AMOTL2: variants seen among roughly 807,000 people sequenced by gnomAD.
The protein encoded by AMOTL2 is angiomotin like 2, also known as angiomotin-like protein 2.
Under a neutral mutation model 78.4 loss-of-function variants are expected in AMOTL2, and 33 were observed. The ratio of observed to expected loss-of-function variants is 0.42; its 90% CI spans 0.32 to 0.56. The LOEUF (loss-of-function observed/expected upper bound fraction) is 0.56. Among genes scored for constraint, AMOTL2 ranks in the 20% least tolerant of loss-of-function variants. The probability of loss-of-function intolerance (pLI) is 0.12; values close to 1 mark genes in which losing one functional copy is unlikely to be tolerated. For missense variants in AMOTL2, 983 were observed against 1,030.1 expected, an observed-to-expected ratio of 0.95 and a Z score of 0.63; for synonymous variants, 422 against 428.8, an observed-to-expected ratio of 0.98 and a Z score of 0.20.
intron 1 of AMOTL2, among the ~76,000 whole-genome samples, chr3:134,373,189 C>A (rs1297387694): frequency 6.6e-6 from 1 of 152,090 alleles, no homozygotes; most frequent in Non-Finnish European, 1.5e-5. Context: ...GTGCAAGACT[C>A]CAGAGCTACC....
chr3:134,362,264 G>T (rs1424957454), intron 5 of AMOTL2, among the ~76,000 whole-genome samples: 3 of 152,200 alleles, frequency 2.0e-5, no homozygotes, highest in African/African-American at 7.2e-5. Context: ...GAAAGAAGGG[G>T]GAACAGAACC....
intron 1 of AMOTL2, among the ~76,000 whole-genome samples, chr3:134,372,728 G>C (rs536589902): frequency 1.3e-5 from 2 of 152,090 alleles, no homozygotes; most frequent in East Asian, 3.9e-4. Context: ...GGGGAGAGGG[G>C]ACTGTGAGCC....
chr3:134,370,713 G>C lies in AMOTL2; in HGVS notation c.721C>G (p.His241Asp). ...GGGGAGAGTTACCTGACTTCAGCATGCTGGAAGTGCGGGCTGCCGCGGGCA... is the reference window on the plus strand; with the variant it reads ...GGGGAGAGTTACCTGACTTCAGCATCCTGGAAGTGCGGGCTGCCGCGGGCA... The part of the protein sequence containing the change: ...YRARGSPHFQ[H>D]AEVRILQAQV... The change falls in exon 2 of 10, where the codon CAT becomes GAT. Residue 241 changes from histidine (H) to aspartate (D), a missense_variant. His to Asp is a moderately conservative substitution (Grantham distance 81). Coordinates refer to ENST00000249883, the MANE Select transcript of AMOTL2 (RefSeq NM_016201.4). 6.6e-7 allele frequency: 1 copy of C among 1,510,354 alleles called. No homozygotes were observed. The highest frequency in any genetic ancestry group is 1.4e-5 in the South Asian group (1 of 74,064). The allele number at this position is 1,510,354 out of a possible 1,614,324, so 93.6% of individuals were successfully genotyped here. A position where few individuals can be genotyped will look rare whatever the true frequency, so the allele number is the denominator to read the frequency against.
Position 134,361,618 on chromosome 3 carries a change from T to C in AMOTL2, c.1469A>G (p.Gln490Arg). 6.2e-7 allele frequency: 1 copy of C among 1,613,048 alleles called. No individual in the cohort carries two copies. Among genetic ancestry groups the C allele is most frequent in the Non-Finnish European group, 8.5e-7 (1 of 1,179,958 alleles). The change falls in exon 6 of 10, where the codon CAG (glutamine) becomes CGG (arginine). Residue 490 changes from glutamine to arginine, a missense_variant. By Grantham distance (43) the Gln-to-Arg change is conservative (BLOSUM62 1). Coordinates refer to ENST00000249883, the MANE Select transcript of AMOTL2 (RefSeq NM_016201.4). ...QAYVEKVERLQQALGQLQAAC... is the reference protein window; with the variant it reads ...QAYVEKVERLRQALGQLQAAC... ...TGCCTGCAGCTGCCCGAGCGCCTGCTGCAGCCGCTCCACTTTCTCCACATA... is the reference window on the plus strand; with the variant it reads ...TGCCTGCAGCTGCCCGAGCGCCTGCCGCAGCCGCTCCACTTTCTCCACATA...
At chr3:134,363,427 C>T (rs2017459850) in intron 5 of AMOTL2, among the ~76,000 whole-genome samples, 1 of 152,206 alleles carries the variant, frequency 6.6e-6, no homozygotes, top group Non-Finnish European at 1.5e-5. Flanking sequence ...GCAGGGAGGA[C>T]CCTCCCCTAG....
intron 1 of AMOTL2, among the ~76,000 whole-genome samples, chr3:134,372,214 G>A (rs770826971): frequency 3.9e-5 from 6 of 152,164 alleles, no homozygotes; most frequent in Non-Finnish European, 8.8e-5. Flanking sequence ...CCCTGAACCA[G>A]AGAACTCCTG....
Position 134,374,440 on chromosome 3 carries a change from G to T in AMOTL2, c.-160C>A. ...AAGATGTGTTCTCGGCCGTGGCGCC[G>T]ACGCTCTGGCTGTTCGCGCCCCAGC... On this transcript the variant is annotated 5_prime_UTR_variant, in exon 1 of 10. Coordinates refer to ENST00000249883, the MANE Select transcript of AMOTL2 (RefSeq NM_016201.4). 1.0e-6 allele frequency: 1 copy of T among 985,490 alleles called. No homozygotes were observed. The highest frequency in any genetic ancestry group is 1.2e-6 in the Non-Finnish European group (1 of 829,992). 61.0% of individuals were successfully genotyped at this position (985,490 alleles called of 1,614,324 possible). A position where few individuals can be genotyped will look rare whatever the true frequency, so the allele number is the denominator to read the frequency against.
At chr3:134,372,611 G>A (rs1559805273) in intron 1 of AMOTL2, among the ~76,000 whole-genome samples, 1 of 151,386 alleles carries the variant, frequency 6.6e-6, no homozygotes, top group Non-Finnish European at 1.5e-5. Flanking sequence ...AGGCACATAA[G>A]GGATGGGCAC....
intron 6 of AMOTL2, among the ~76,000 whole-genome samples, chr3:134,361,311 A>T (rs1360523228): frequency 6.6e-6 from 1 of 152,204 alleles, no homozygotes; most frequent in Non-Finnish European, 1.5e-5. Flanking sequence ...GGCCTCTACT[A>T]AGACAACGAG....
chr3:134,374,331 G>C lies in AMOTL2; in HGVS notation c.-62+11C>G, dbSNP rs1050672027. On this transcript the variant is annotated intron_variant, in intron 1 of 9. Transcript: ENST00000249883. ...CGCGCGCTCTCCCGAGCGCCGAGCG[G>C]CCTTCCTTACCGCTGCGGCCCGAGG... 17 of 985,312 alleles carry C rather than the reference G, an allele frequency of 1.7e-5. No homozygotes were observed. The East Asian group carries it at 2.0e-3, about 113-fold the overall frequency. The allele number at this position is 985,312 out of a possible 1,614,324, so 61.0% of individuals were successfully genotyped here.
In AMOTL2 at chr3:134,371,502, G is replaced by A. The variant is rs1349994193; in HGVS notation, c.-61-8C>T. ...CACCTGGCCCCAGAGCACCTGGAGT[G>A]GGGTGGGGAGAGAGAGAGAGAAAAG... On this transcript the variant is annotated splice_region_variant and splice_polypyrimidine_tract_variant and intron_variant, in intron 1 of 9. Transcript: ENST00000249883. 2 of 1,583,524 alleles carry A rather than the reference G, an allele frequency of 1.3e-6. No homozygotes were observed. The highest frequency in any genetic ancestry group is 1.7e-5 in the Admixed American group (1 of 59,532).
upstream of AMOTL2, chr3:134,374,619 CCCCCG>C: frequency 1.0e-6 from 1 of 985,122 alleles, no homozygotes; most frequent in Non-Finnish European, 1.2e-6. Flanking sequence ...CTCCTCCCGG[CCCCCG>C]CCTTCCTCCG....
intron 1 of AMOTL2, among the ~76,000 whole-genome samples, chr3:134,372,687 G>C (rs2017921708): frequency 6.6e-6 from 1 of 152,130 alleles, no homozygotes; most frequent in Non-Finnish European, 1.5e-5. Flanking sequence ...GGAGAAGTAA[G>C]GGGAGGCTGT....
chr3:134,373,783 C>T (rs1226798804), intron 1 of AMOTL2: 4 of 985,378 alleles, frequency 4.1e-6, no homozygotes, highest in Non-Finnish European at 4.8e-6. Flanking sequence ...GCCTCCCTCC[C>T]TCTCGAGCCC....
intron 5 of AMOTL2, among the ~76,000 whole-genome samples, chr3:134,362,532 C>T (rs2017418180): frequency 1.3e-5 from 2 of 152,204 alleles, no homozygotes; most frequent in African/African-American, 4.8e-5. Context: ...CCGTTGAGGG[C>T]TACATTTCCT....
chr3:134,358,645 C>T lies in AMOTL2; in HGVS notation c.2179G>A (p.Gly727Arg). The T allele has an allele frequency of 6.2e-7, 1 of 1,613,728 alleles. No homozygotes were observed. The highest frequency in any genetic ancestry group is 8.5e-7 in the Non-Finnish European group (1 of 1,179,758). ...AAHAKHGSRDGSTQTEGPPDS... is the reference protein window; with the variant it reads ...AAHAKHGSRDRSTQTEGPPDS... ...GGGGGGCCCTCAGTCTGGGTGCTCC[C>T]ATCTCTGCTCCCGTGTTTGGCATGG... The change falls in exon 9 of 10, where the codon GGG (glycine) becomes AGG (arginine). Residue 727 changes from glycine (G) to arginine (R), a missense_variant. By Grantham distance (125) the Gly-to-Arg change is moderately radical (BLOSUM62 -2). Transcript: ENST00000249883.
At chr3:134,372,428 T>A (rs1201322179) in intron 1 of AMOTL2, among the ~76,000 whole-genome samples, 1 of 99,506 alleles carries the variant, frequency 1.0e-5, no homozygotes, top group Non-Finnish European at 1.9e-5. Flanking sequence ...TGCCACCCAT[T>A]AAGGTTAGTG....
chr3:134,370,833 C>A lies in AMOTL2; in HGVS notation c.601G>T (p.Ala201Ser). The A allele has an allele frequency of 6.3e-7, 1 of 1,591,468 alleles. No individual in the cohort carries two copies. Among genetic ancestry groups the A allele is most frequent in the South Asian group, 1.1e-5 (1 of 88,314 alleles). ...QQGPPLRGPPAEGPESRGPPP... is the reference protein window; with the variant it reads ...QQGPPLRGPPSEGPESRGPPP... ...GGTCCTCGGGACTCTGGGCCCTCAG[C>A]AGGGGGGCCCCTCAGTGGGGGGCCC... The change falls in exon 2 of 10, where the codon GCT becomes TCT. Residue 201 changes from alanine (A) to serine (S), a missense_variant. Coordinates refer to ENST00000249883, the MANE Select transcript of AMOTL2 (RefSeq NM_016201.4).
chr3:134,368,082 G>A (rs761532789), intron 2 of AMOTL2, among the ~76,000 whole-genome samples: 17 of 152,130 alleles, frequency 1.1e-4, no homozygotes, highest in Non-Finnish European at 2.4e-4. Context: ...TTTCATACCC[G>A]CCTCACAGTG....
Sources: allele counts gnomAD v4.1 joint callset (sites outside exome capture counted in the v4.1 genomes callset), GRCh38; gene constraint gnomAD v4.1.1; transcripts MANE v1.5; gene names NCBI Gene and HGNC (gene_info 2026-07-23, HGNC 2026-07-21).